The following CCDC7 variants were observed in gnomAD, a reference collection of about 807,000 sequenced individuals.
CCDC7 encodes coiled-coil domain-containing protein 7.
CCDC7 carries 183 observed loss-of-function variants against 196.9 expected under a neutral mutation model. The ratio of observed to expected loss-of-function variants is 0.93; its 90% CI spans 0.82 to 1.05. The LOEUF (loss-of-function observed/expected upper bound fraction) is 1.05. Among genes scored for constraint, CCDC7 ranks in the 50% least tolerant of loss-of-function variants. The probability of loss-of-function intolerance (pLI) is 0.00; values close to 1 mark genes in which losing one functional copy is unlikely to be tolerated. For missense variants in CCDC7, 1,540 were observed against 1,482.2 expected (o/e 1.04, Z -0.64); for synonymous variants, 525 against 484.6 (o/e 1.08, Z -1.10).
chr10:32,834,744 A>G (rs1298966533), intron 32 of CCDC7, 71 bp from the exon 34 acceptor site: 2 of 654,154 alleles, frequency 3.1e-6, no homozygotes, highest in East Asian at 2.9e-5. Flanking sequence ...ATACTATCAC[A>G]TACACACAGC....
intron 28 of CCDC7, among the ~76,000 whole-genome samples, chr10:32,732,792 A>G (rs2084210335): frequency 6.6e-6 from 1 of 152,160 alleles, no homozygotes; most frequent in Non-Finnish European, 1.5e-5. Context: ...GACATTTTGT[A>G]GCAACTCTCT....
At chr10:32,615,418 C>A (rs182022177) in intron 18 of CCDC7, among the ~76,000 whole-genome samples, 1 of 152,094 alleles carries the variant, frequency 6.6e-6, no homozygotes, top group African/African-American at 2.4e-5. Flanking sequence ...TTGCATTTCT[C>A]TGATGATTTC....
intron 29 of CCDC7, among the ~76,000 whole-genome samples, chr10:32,797,025 G>A (rs79673835): frequency 0.039 from 5,912 of 152,084 alleles, 120 homozygotes; most frequent in Middle Eastern, 0.051. Flanking sequence ...GGTGACCTCA[G>A]AATTGTTCTA....
At chr10:32,509,236 A>C (rs2045703063) in intron 9 of CCDC7, among the ~76,000 whole-genome samples, 2 of 152,204 alleles carry the variant, frequency 1.3e-5, no homozygotes, top group Non-Finnish European at 2.9e-5. Context: ...CAGATTAGCA[A>C]GCGCAGAAAC....
intron 18 of CCDC7, among the ~76,000 whole-genome samples, chr10:32,608,976 T>C (rs932308126): frequency 6.6e-6 from 1 of 152,238 alleles, no homozygotes; most frequent in African/African-American, 2.4e-5. Context: ...TTTTAGAAGA[T>C]ACTTGATATG....
chr10:32,487,315 G>A (rs1242039156), intron 8 of CCDC7, among the ~76,000 whole-genome samples: 3 of 152,168 alleles, frequency 2.0e-5, no homozygotes, highest in African/African-American at 2.4e-5. Flanking sequence ...TGTAGTTCTC[G>A]TGCCTTAGTT....
intron 38 of CCDC7, among the ~76,000 whole-genome samples, chr10:32,848,175 G>C (rs1280582294): frequency 6.6e-6 from 1 of 152,052 alleles, no homozygotes; most frequent in Non-Finnish European, 1.5e-5. Context: ...AATAATCCAT[G>C]TTACTTTTAT....
intron 21 of CCDC7, among the ~76,000 whole-genome samples, chr10:32,676,519 A>G (rs941829864): frequency 1.3e-5 from 2 of 152,100 alleles, no homozygotes; most frequent in Admixed American, 6.6e-5. Context: ...AAACAAATTT[A>G]CAAGAAAAAA....
At chr10:32,732,708 A>T (rs2084189104) in intron 28 of CCDC7, among the ~76,000 whole-genome samples, 1 of 152,164 alleles carries the variant, frequency 6.6e-6, no homozygotes, top group African/African-American at 2.4e-5. Context: ...TTATGTTCAC[A>T]GTAGAAAGAA....
At chr10:32,535,982 T>C (rs55773420) in intron 11 of CCDC7, among the ~76,000 whole-genome samples, 15,961 of 152,178 alleles carry the variant, frequency 0.1, 1,037 homozygotes, top group South Asian at 0.25. Context: ...TGCATCTATT[T>C]AGATTTTATG....
chr10:32,815,963 C>T lies in CCDC7; in HGVS notation c.3181+1510C>T, dbSNP rs143830831. Among the ~76,000 whole-genome samples, 63 of 152,290 alleles carry T rather than the reference C, an allele frequency of 4.1e-4. No homozygotes were observed. The East Asian group carries it at 9.5e-3, about 23-fold the overall frequency. ...ATTTCTGCATTTCCAACTGAGGTAC[C>T]GGGTTCATCTCACTTGGGAGTGTTG... is the stretch of plus-strand genomic sequence containing the variant. On this transcript the variant is annotated intron_variant, in intron 31 of 41. Transcript: ENST00000639629.
intron 20 of CCDC7, among the ~76,000 whole-genome samples, chr10:32,639,989 G>A (rs1208461099): frequency 6.6e-6 from 1 of 152,168 alleles, no homozygotes; most frequent in Non-Finnish European, 1.5e-5. Context: ...AATAAGTGTG[G>A]TGTGGTGCTG....
intron 5 of CCDC7, among the ~76,000 whole-genome samples, chr10:32,467,446 C>T (rs2037070729): frequency 6.6e-6 from 1 of 151,102 alleles, no homozygotes; most frequent in African/African-American, 2.4e-5. Context: ...TTGTTTGTGT[C>T]TTATAAATAT....
chr10:32,782,229 GTT>G (rs55712844), intron 29 of CCDC7, among the ~76,000 whole-genome samples: 1 of 150,108 alleles, frequency 6.7e-6, no homozygotes, highest in Non-Finnish European at 1.5e-5. Flanking sequence ...TTTTTTTTTT[GTT>G]TTTTTTGGTT....
intron 28 of CCDC7, among the ~76,000 whole-genome samples, chr10:32,774,752 G>T (rs1393852144): frequency 6.6e-6 from 1 of 151,998 alleles, no homozygotes; most frequent in Non-Finnish European, 1.5e-5. Flanking sequence ...TGTGATTGTT[G>T]CAGTTTCTGT....
chr10:32,517,048 A>G (rs2047132863), intron 9 of CCDC7, among the ~76,000 whole-genome samples: 1 of 152,196 alleles, frequency 6.6e-6, no homozygotes, highest in Non-Finnish European at 1.5e-5. Context: ...GAACAATGTC[A>G]CCAAACTGTG....
chr10:32,559,098 G>A lies in CCDC7; in HGVS notation c.1135-6460G>A, dbSNP rs574275581. 2.1e-3 allele frequency among the ~76,000 whole-genome samples: 314 copies of A among 152,332 alleles called. 3 individuals are homozygous for A. The highest frequency in any genetic ancestry group is 4.0e-3 in the Admixed American group (61 of 15,296). On this transcript the variant is annotated intron_variant, in intron 13 of 41. Transcript: ENST00000639629. ...GCACTCTGAGATCAAACTGCAAGGC[G>A]GCAGCGAGGCTGGGGGAGGGGCGCC...
At chr10:32,763,510 C>G (rs907216096) in intron 28 of CCDC7, among the ~76,000 whole-genome samples, 1 of 151,842 alleles carries the variant, frequency 6.6e-6, no homozygotes, top group Admixed American at 6.6e-5. Context: ...GAAATAAATA[C>G]CTAGTAAAGA....
chr10:32,688,056 C>G (rs2076663963), intron 22 of CCDC7, among the ~76,000 whole-genome samples: 3 of 152,160 alleles, frequency 2.0e-5, no homozygotes, highest in Non-Finnish European at 4.4e-5. Flanking sequence ...GAGAGTGCCT[C>G]TAGTGTTCAT....
Sources: allele counts gnomAD v4.1 joint callset (sites outside exome capture counted in the v4.1 genomes callset), GRCh38; gene constraint gnomAD v4.1.1; transcripts MANE v1.5; gene names NCBI Gene and HGNC (gene_info 2026-07-23, HGNC 2026-07-21).